The following ARHGEF18 variants were observed in gnomAD, a reference collection of about 807,000 sequenced individuals.
The protein encoded by ARHGEF18 is rho guanine nucleotide exchange factor 18.
A neutral mutation model predicts 155.7 loss-of-function variants in ARHGEF18; 93 were observed. The ratio of observed to expected loss-of-function variants is 0.60; its 90% CI spans 0.50 to 0.71. The LOEUF is 0.71. Ranked by LOEUF, ARHGEF18 falls within the 30% of genes least tolerant of loss-of-function variation. ARHGEF18 has a pLI of 0.00. For synonymous variants in ARHGEF18, 742 were observed against 753.1 expected (o/e 0.99, Z 0.24); for missense variants, 1,593 against 1,816.1 (o/e 0.88, Z 2.23).
intron 20 of ARHGEF18, among the ~76,000 whole-genome samples, chr19:7,461,663 C>T (rs1976270776): frequency 6.6e-6 from 1 of 152,142 alleles, no homozygotes; most frequent in South Asian, 2.1e-4. Context: ...TCACACCCTA[C>T]TGTGTTTGAT....
At chr19:7,447,769 G>A (rs1975087655) in intron 15 of ARHGEF18, among the ~76,000 whole-genome samples, 1 of 152,032 alleles carries the variant, frequency 6.6e-6, no homozygotes, top group Non-Finnish European at 1.5e-5. Flanking sequence ...CAAGGCAGGA[G>A]GATCACTTGA....
In ARHGEF18 at chr19:7,433,111, T is replaced by C. The variant is rs578056320; in HGVS notation, c.968-7233T>C. Among the ~76,000 whole-genome samples, 4 of 151,240 alleles carry C rather than the reference T, an allele frequency of 2.6e-5. No individual in the cohort carries two copies. The East Asian group carries it at 7.8e-4, about 30-fold the overall frequency. Reference sequence around the variant, plus strand: ...AGGAATTGGAGGCTTCAGTGAGCTGTGATCATGCCACTGTACTCTAGCCTA... The same window carrying C: ...AGGAATTGGAGGCTTCAGTGAGCTGCGATCATGCCACTGTACTCTAGCCTA... On this transcript the variant is annotated intron_variant, in intron 10 of 28. Coordinates refer to ENST00000668164, the MANE Select transcript of ARHGEF18 (RefSeq NM_001367823.1).
chr19:7,450,339 C>T (rs1975298759), intron 15 of ARHGEF18, among the ~76,000 whole-genome samples: 2 of 150,730 alleles, frequency 1.3e-5, no homozygotes, highest in Non-Finnish European at 3.0e-5. Context: ...CTGTCCATTT[C>T]CAAGATGTTA....
intron 18 of ARHGEF18, among the ~76,000 whole-genome samples, chr19:7,457,521 C>T (rs1975921821): frequency 6.6e-6 from 1 of 151,976 alleles, no homozygotes; most frequent in African/African-American, 2.4e-5. Context: ...TGCCGCCACA[C>T]CCGGCTACTT....
chr19:7,440,185 C>T lies in ARHGEF18; in HGVS notation c.968-159C>T, dbSNP rs1974540460. Reference sequence around the variant, plus strand: ...GAGCTGTCTTTTTACGGCTCTTTCCCCAGGAAATGGAGCGAGAACGTCTTC... The same window carrying T: ...GAGCTGTCTTTTTACGGCTCTTTCCTCAGGAAATGGAGCGAGAACGTCTTC... On this transcript the variant is annotated intron_variant, in intron 10 of 28. Coordinates refer to ENST00000668164, the MANE Select transcript of ARHGEF18 (RefSeq NM_001367823.1). The surrounding 1 kb of genome is among the most constrained non-coding windows in gnomAD (Gnocchi z 5.4). 1 of 1,551,560 alleles carries T rather than the reference C, an allele frequency of 6.4e-7. No homozygotes were observed. The highest frequency in any genetic ancestry group is 8.7e-7 in the Non-Finnish European group (1 of 1,146,970).
chr19:7,395,886 G>C lies in ARHGEF18; in HGVS notation c.967+12683G>C, dbSNP rs1185351050. On this transcript the variant is annotated intron_variant, in intron 10 of 28. Transcript: ENST00000668164. This position sits in a 1 kb window ranked among gnomAD's most constrained non-coding sequence, Gnocchi z 5.0. ...TTGAGATTGAGGGGGTACATGTACA[G>C]GTTTGTTACCTGGATATATTGCGTG... Among the ~76,000 whole-genome samples the C allele has an allele frequency of 6.6e-6, 1 of 152,178 alleles. No individual in the cohort carries two copies. The highest frequency in any genetic ancestry group is 1.5e-5 in the Non-Finnish European group (1 of 68,034).
chr19:7,392,550 A>AAC (rs1253563016), intron 10 of ARHGEF18: 5 of 150,070 alleles, frequency 3.3e-5, no homozygotes, highest in African/African-American at 1.2e-4. Context: ...AAAAAAAACA[A>AAC]AAAAAAAACA....
intron 10 of ARHGEF18, among the ~76,000 whole-genome samples, chr19:7,390,263 T>G (rs1340960565): frequency 2.0e-5 from 3 of 151,972 alleles, no homozygotes; most frequent in African/African-American, 4.8e-5. Context: ...TCCCAGCACT[T>G]TGGGAGACCA....
chr19:7,380,176 T>TA lies in ARHGEF18; in HGVS notation c.645-726dup, dbSNP rs869034526. Among the ~76,000 whole-genome samples, 701 of 140,084 alleles carry TA rather than the reference T, an allele frequency of 5.0e-3. 2 individuals are homozygous for TA. The highest frequency in any genetic ancestry group is 7.1e-3 in the Non-Finnish European group (458 of 64,428). The allele number at this position is 140,084 out of a possible 152,430, so 91.9% of individuals were successfully genotyped here. A position where few individuals can be genotyped will look rare whatever the true frequency, so the allele number is the denominator to read the frequency against. ...CTGAGCAACAGAGCAAAACCCTGTTTAAAAAAAAAAAAAAATTGTGGGCTG... is the reference window on the plus strand; with the variant it reads ...CTGAGCAACAGAGCAAAACCCTGTTTAAAAAAAAAAAAAAAATTGTGGGCTG... On this transcript the variant is annotated intron_variant, in intron 7 of 28. Transcript: ENST00000668164.
At chr19:7,412,999 C>T (rs1367165141) in intron 10 of ARHGEF18, among the ~76,000 whole-genome samples, 3 of 152,108 alleles carry the variant, frequency 2.0e-5, no homozygotes, top group Non-Finnish European at 4.4e-5. Flanking sequence ...CTTGCAAGAA[C>T]TGGAAAGCAA....
chr19:7,462,195 A>G lies in ARHGEF18; in HGVS notation c.2496A>G (p.Leu832=), dbSNP rs762175095. The change falls in exon 21 of 29, where the codon CTA becomes CTG. Residue 832 remains leucine, a synonymous_variant. Coordinates refer to ENST00000668164, the MANE Select transcript of ARHGEF18 (RefSeq NM_001367823.1). This position sits in a 1 kb window ranked among gnomAD's most constrained non-coding sequence, Gnocchi z 4.4. ...MKDQLIAQSL[L]EKQQIYLEMA... ...ACCAGCTGATCGCACAGAGCCTCCT[A>G]GAGAAACAGCAGATCTACCTGGAGA... 2.5e-6 allele frequency: 4 copies of G among 1,613,988 alleles called. No individual in the cohort carries two copies. Among genetic ancestry groups the G allele is most frequent in the South Asian group, 2.2e-5 (2 of 91,084 alleles).
chr19:7,413,186 CTG>C (rs1423699606), intron 10 of ARHGEF18, among the ~76,000 whole-genome samples: 2 of 152,020 alleles, frequency 1.3e-5, no homozygotes, highest in African/African-American at 4.8e-5. Flanking sequence ...AATCCCAACA[CTG>C]TGGGAGGCCA....
chr19:7,365,286 G>A (rs1009293071), intron 2 of ARHGEF18, among the ~76,000 whole-genome samples: 34 of 152,262 alleles, frequency 2.2e-4, no homozygotes, highest in African/African-American at 6.7e-4. Flanking sequence ...AATTAGCTGC[G>A]CATGGAGGTG....
At position 7,445,402 on chromosome 19, in the gene ARHGEF18, C is replaced by T. The variant is rs547000602; in HGVS notation, c.1611+948C>T. On this transcript the variant is annotated intron_variant, in intron 14 of 28. Transcript: ENST00000668164. ...GGTCAAGGCTGCAATGAGCTATGAT[C>T]ATGCCACTGCCCTCCAGCCTGGGCA... 4.6e-5 allele frequency among the ~76,000 whole-genome samples: 7 copies of T among 152,238 alleles called. No individual in the cohort carries two copies. In the South Asian group the frequency reaches 1.2e-3, roughly 27 times the overall value.
At chr19:7,422,354 G>GC (rs989537437) in intron 10 of ARHGEF18, among the ~76,000 whole-genome samples, 39 of 143,060 alleles carry the variant, frequency 2.7e-4, no homozygotes, top group Non-Finnish European at 4.9e-4. Context: ...TCCCGCCCAT[G>GC]CCCCCCCGCC....
intron 10 of ARHGEF18, among the ~76,000 whole-genome samples, chr19:7,385,627 C>G (rs1265877874): frequency 6.6e-6 from 1 of 151,564 alleles, no homozygotes; most frequent in Non-Finnish European, 1.5e-5. Context: ...AGGTGCCCAC[C>G]ACCACGCCCA....
rs1047970424 is a variant in ARHGEF18 at position 7,375,738 on chromosome 19, A to C, written c.294A>C (p.Ser98=). 2.9e-5 allele frequency: 36 copies of C among 1,234,296 alleles called. No individual in the cohort carries two copies. In the African/African-American group the frequency reaches 5.3e-4, roughly 18 times the overall value. The allele number at this position is 1,234,296 out of a possible 1,614,324, so 76.5% of individuals were successfully genotyped here. The change falls in exon 4 of 29, where the codon TCA becomes TCC. Residue 98 remains serine, a synonymous_variant. Transcript: ENST00000668164. The part of the protein sequence containing the change: ...ESWRRLSLDA[S]AVDEEPCLPR... ...CCACTAGGCTCAGCCTCGATGCCTCAGCTGTGGATGAGGAACCCTGTCTCC... is the reference window on the plus strand; with the variant it reads ...CCACTAGGCTCAGCCTCGATGCCTCCGCTGTGGATGAGGAACCCTGTCTCC...
rs367764307 is a variant in ARHGEF18, at chr19:7,359,239, C to T, written c.-110-3542C>T. ...GGGAGTGACCATCAGAGGGTTATAT[C>T]AAAAGGACACACCAACTCCAGGACA... is the stretch of plus-strand genomic sequence containing the variant. On this transcript the variant is annotated intron_variant, in intron 1 of 28. Transcript: ENST00000668164. Among the ~76,000 whole-genome samples the T allele has an allele frequency of 1.9e-4, 29 of 152,202 alleles. No individual in the cohort carries two copies. The East Asian group carries it at 5.2e-3, about 27-fold the overall frequency.
At chr19:7,410,545 G>A (rs1030618679) in intron 10 of ARHGEF18, among the ~76,000 whole-genome samples, 3 of 151,762 alleles carry the variant, frequency 2.0e-5, no homozygotes, top group African/African-American at 4.8e-5. Flanking sequence ...ATGGTGGTTC[G>A]CGCCTGTAAA....
Sources: gnomAD v4.1 joint callset for allele counts (sites outside exome capture counted in the v4.1 genomes callset) on GRCh38, gnomAD v4.1.1 for gene constraint, Gnocchi (gnomAD v3.1) non-coding constraint, MANE v1.5 for transcripts, NCBI Gene and HGNC (gene_info 2026-07-23, HGNC 2026-07-21) for gene names.